The following XRCC6 variants were observed in gnomAD, a reference collection of about 807,000 sequenced individuals.
XRCC6 encodes the protein X-ray repair cross complementing 6, also known as DNA repair protein Ku70.
Under a neutral mutation model 65.7 loss-of-function variants are expected in XRCC6, and 5 were observed. The observed-to-expected ratio is 0.08, with a 90% confidence interval of 0.04 to 0.16. XRCC6 has a LOEUF of 0.16. XRCC6 is among the 10% of genes least tolerant of loss of function. XRCC6 has a pLI of 1.00. For missense variants in XRCC6, 447 were observed against 738.1 expected, an observed-to-expected ratio of 0.61 and a Z score of 4.57; for synonymous variants, 270 against 270.6, an observed-to-expected ratio of 1.00 and a Z score of 0.02.
At chr22:41,648,421 G>C (rs902691254) in intron 7 of XRCC6, among the ~76,000 whole-genome samples, 4 of 152,110 alleles carry the variant, frequency 2.6e-5, no homozygotes, top group African/African-American at 9.7e-5. Flanking sequence ...GGGAGATAAG[G>C]AGTTAGGAAA....
rs180983197 is a variant in XRCC6 at position 41,654,202 on chromosome 22, A to C, written c.1291+512A>C. Among the ~76,000 whole-genome samples, 367 of 152,298 alleles carry C rather than the reference A, an allele frequency of 2.4e-3. 2 individuals are homozygous for C. Among genetic ancestry groups the C allele is most frequent in the Admixed American group, 6.7e-3 (103 of 15,292 alleles). ...ATCTCTGCTGCTTGTTAGCTGGTCA[A>C]CGTGGGCAAGTAATTTAACCTTTCT... On this transcript the variant is annotated intron_variant, in intron 9 of 12. Transcript: ENST00000360079.
chr22:41,641,866 C>A, intron 6 of XRCC6, among the ~76,000 whole-genome samples: 1 of 152,104 alleles, frequency 6.6e-6, no homozygotes, highest in East Asian at 1.9e-4. Flanking sequence ...GATCTCGGCT[C>A]ACTGCAACCT....
At chr22:41,650,688 C>T in intron 7 of XRCC6, 35 bp from the exon 8 acceptor site, 1 of 1,603,596 alleles carries the variant, frequency 6.2e-7, no homozygotes. Context: ...TCCTCGTAGC[C>T]TTCCCATTTG....
chr22:41,656,479 G>A (rs1026161450), intron 9 of XRCC6, among the ~76,000 whole-genome samples: 4 of 150,556 alleles, frequency 2.7e-5, no homozygotes, highest in African/African-American at 9.8e-5. Context: ...ATTGCCCACT[G>A]TACTCCAGCC....
chr22:41,624,827 G>C (rs1160907052), intron 2 of XRCC6, among the ~76,000 whole-genome samples: 2 of 145,694 alleles, frequency 1.4e-5, no homozygotes, highest in Non-Finnish European at 3.0e-5. Context: ...GAAACCCTGT[G>C]TCTACTAAAA....
chr22:41,622,062 C>G lies in XRCC6; in HGVS notation c.58C>G (p.Gln20Glu). The G allele has an allele frequency of 6.2e-7, 1 of 1,614,206 alleles. No individual in the cohort carries two copies. Among genetic ancestry groups the G allele is most frequent in the Non-Finnish European group, 8.5e-7 (1 of 1,180,022 alleles). Residue 20 changes from glutamine to glutamate, a missense_variant, in exon 2 of 13, where the codon CAA becomes GAA. Around this residue, in one of 4 missense-constraint regions of XRCC6, gnomAD observed 228 missense variants for 307.4 expected, o/e 0.74. Transcript: ENST00000360079. The stretch of plus-strand genomic sequence containing the variant: ...GGGCGATGAAGAAGCAGAGGAAGAA[C>G]AAGAAGAGAACCTTGAAGCAAGTGG... ...TEGDEEAEEEQEENLEASGDY... is the reference protein window; with the variant it reads ...TEGDEEAEEEEEENLEASGDY...
chr22:41,654,203 C>T (rs1443474981), intron 9 of XRCC6, among the ~76,000 whole-genome samples: 1 of 152,260 alleles, frequency 6.6e-6, no homozygotes, highest in African/African-American at 2.4e-5. Flanking sequence ...AGCTGGTCAA[C>T]GTGGGCAAGT....
intron 6 of XRCC6, among the ~76,000 whole-genome samples, chr22:41,645,710 T>C (rs1316482634): frequency 6.6e-6 from 1 of 151,230 alleles, no homozygotes; most frequent in East Asian, 1.9e-4. Flanking sequence ...TTTTTTTTTT[T>C]TTTTGAGATA....
intron 10 of XRCC6, among the ~76,000 whole-genome samples, chr22:41,657,779 C>CA (rs1351314781): frequency 1.3e-5 from 2 of 152,046 alleles, no homozygotes; most frequent in Non-Finnish European, 2.9e-5. Context: ...CTCAGCTTCT[C>CA]AAAGTGCTGG....
chr22:41,646,184 TC>T (rs1350345821), intron 6 of XRCC6, among the ~76,000 whole-genome samples: 2 of 151,756 alleles, frequency 1.3e-5, no homozygotes, highest in Non-Finnish European at 1.5e-5. Context: ...GTGCCTGTAA[TC>T]CCAGCCACTT....
At chr22:41,635,964 G>T in intron 3 of XRCC6, 149 bp from the exon 4 acceptor site, 1 of 605,536 alleles carries the variant, frequency 1.7e-6, no homozygotes, top group Non-Finnish European at 2.7e-6. Flanking sequence ...TACTTTCACT[G>T]ATTCATTACC....
rs1350374829 is a variant in XRCC6 at position 41,653,579 on chromosome 22, G to A, written c.1180G>A (p.Val394Ile). 1.2e-6 allele frequency: 2 copies of A among 1,613,918 alleles called. No individual in the cohort carries two copies. Among genetic ancestry groups the A allele is most frequent in the South Asian group, 1.1e-5 (1 of 91,062 alleles). The part of the protein sequence containing the change: ...ALLIKCLEKE[V>I]AALCRYTPRR... ...GCTCATCAAGTGTCTGGAGAAGGAG[G>A]TTGCAGCATTGTGCAGATACACACC... Residue 394 changes from valine to isoleucine, a missense_variant, in exon 9 of 13, where the codon GTT becomes ATT. By Grantham distance (29) the Val-to-Ile change is conservative (BLOSUM62 3). Coordinates refer to ENST00000360079, the MANE Select transcript of XRCC6 (RefSeq NM_001469.5).
At chr22:41,647,806 C>T (rs1028454722) in intron 7 of XRCC6, among the ~76,000 whole-genome samples, 2 of 152,036 alleles carry the variant, frequency 1.3e-5, no homozygotes, top group African/African-American at 4.8e-5. Flanking sequence ...CTCCTAGGCT[C>T]AAGCAGTACT....
chr22:41,657,494 TTATTATTA>T (rs1313389543), intron 10 of XRCC6, among the ~76,000 whole-genome samples: 82 of 10,278 alleles, frequency 8.0e-3, no homozygotes, highest in Non-Finnish European at 7.4e-3. Context: ...TAAAAATTTA[TTATTATTA>T]TTATTATTAT....
At chr22:41,650,604 A>G (rs2067985027) in intron 7 of XRCC6, 119 bp from the exon 8 acceptor site, 1 of 1,017,852 alleles carries the variant, frequency 9.8e-7, no homozygotes, top group African/African-American at 1.6e-5. Flanking sequence ...GCCCCAGGTG[A>G]GCCATCTTCC....
chr22:41,661,215 C>T, intron 11 of XRCC6, 116 bp from the exon 12 acceptor site: 1 of 815,498 alleles, frequency 1.2e-6, no homozygotes, highest in South Asian at 1.7e-5. Context: ...TCCCTAGACC[C>T]CTCCCACCTT....
chr22:41,630,542 C>T (rs2067729969), intron 3 of XRCC6, among the ~76,000 whole-genome samples: 2 of 138,960 alleles, frequency 1.4e-5, no homozygotes, highest in South Asian at 4.4e-4. Context: ...GGGTGTTTCT[C>T]ACAGAGGGGG....
At chr22:41,642,081 T>A (rs544880236) in intron 6 of XRCC6, among the ~76,000 whole-genome samples, 1 of 152,316 alleles carries the variant, frequency 6.6e-6, no homozygotes, top group South Asian at 2.1e-4. Context: ...TCCATTGTAC[T>A]ACACTTTCTT....
chr22:41,663,524 A>T, intron 12 of XRCC6, 98 bp from the exon 13 acceptor site: 1 of 1,380,178 alleles, frequency 7.2e-7, no homozygotes, highest in Non-Finnish European at 1.0e-6. Context: ...TTTATGGTTA[A>T]TTGCAGCCCA....
Sources: allele counts gnomAD v4.1 joint callset (sites outside exome capture counted in the v4.1 genomes callset), GRCh38; gene constraint gnomAD v4.1.1; regional missense constraint gnomAD v4.1.1; transcripts MANE v1.5; gene names NCBI Gene and HGNC (gene_info 2026-07-23, HGNC 2026-07-21).